Variants in EHMT1 observed in about 807,000 individuals in gnomAD.
EHMT1 encodes histone-lysine N-methyltransferase EHMT1.
Under a neutral mutation model 147.2 loss-of-function variants are expected in EHMT1, and 15 were observed. That is an observed-to-expected ratio of 0.10 (90% CI 0.07 to 0.16). EHMT1 has a LOEUF of 0.16. Among genes scored for constraint, EHMT1 ranks in the 10% least tolerant of loss-of-function variants. The pLI is 1.00. For missense variants in EHMT1, 1,587 were observed against 1,772.4 expected (o/e 0.90, Z 1.88); for synonymous variants, 795 against 709.6 (o/e 1.12, Z -1.91).
At chr9:137,632,375 C>A (rs1051963798) in intron 1 of EHMT1, among the ~76,000 whole-genome samples, 6 of 152,114 alleles carry the variant, frequency 3.9e-5, no homozygotes, top group African/African-American at 1.4e-4. Context: ...CCTTTCAGCC[C>A]CAGTTCCCCT....
chr9:137,743,099 A>T (rs557928416), intron 4 of EHMT1: 183 of 434,000 alleles, frequency 4.2e-4, no homozygotes, highest in African/African-American at 3.3e-3. Context: ...CCTGCCTCCA[A>T]GGTGGGGTGA....
At chr9:137,645,206 T>C (rs566699455) in intron 1 of EHMT1, among the ~76,000 whole-genome samples, 173 of 152,254 alleles carry the variant, frequency 1.1e-3, no homozygotes, top group Non-Finnish European at 2.0e-3. Flanking sequence ...ACCCACTGAA[T>C]GTTGCCTGGC....
chr9:137,762,341 G>C (rs1949892442), intron 9 of EHMT1, among the ~76,000 whole-genome samples: 3 of 151,424 alleles, frequency 2.0e-5, no homozygotes, highest in Admixed American at 2.0e-4. Context: ...TCTTTTGTTT[G>C]AAAGCAAAAG....
At chr9:137,745,076 A>G (rs561953906) in intron 6 of EHMT1, among the ~76,000 whole-genome samples, 26 of 152,356 alleles carry the variant, frequency 1.7e-4, no homozygotes, top group South Asian at 4.1e-4. Flanking sequence ...ATTTAGACGC[A>G]ATCTTGTATC....
At chr9:137,655,340 C>G (rs1938328372) in intron 1 of EHMT1, among the ~76,000 whole-genome samples, 1 of 152,104 alleles carries the variant, frequency 6.6e-6, no homozygotes, top group South Asian at 2.1e-4. Flanking sequence ...AGGCACTACA[C>G]TGGCAACCTC....
intron 16 of EHMT1, among the ~76,000 whole-genome samples, chr9:137,795,636 T>G (rs1215947806): frequency 2.6e-5 from 4 of 152,222 alleles, no homozygotes; most frequent in Admixed American, 6.5e-5. Context: ...TTTGTTTGTT[T>G]GTTTGTTTTT....
At chr9:137,740,317 C>G (rs952493795) in intron 4 of EHMT1, among the ~76,000 whole-genome samples, 3 of 152,150 alleles carry the variant, frequency 2.0e-5, no homozygotes, top group Admixed American at 6.5e-5. Flanking sequence ...TGAAGCCCCC[C>G]CCTCGCCCCC....
intron 1 of EHMT1, among the ~76,000 whole-genome samples, chr9:137,689,739 A>G (rs1045189750): frequency 6.6e-6 from 1 of 152,128 alleles, no homozygotes; most frequent in African/African-American, 2.4e-5. Context: ...AGATGTACAC[A>G]TTTTTTTGGG....
intron 18 of EHMT1, among the ~76,000 whole-genome samples, chr9:137,805,854 G>C (rs1953904558): frequency 6.6e-6 from 1 of 151,350 alleles, no homozygotes; most frequent in Admixed American, 6.6e-5. Context: ...GTAGAGACGG[G>C]GTTTCACCAT....
chr9:137,831,288 C>CA (rs1174842488), intron 25 of EHMT1, among the ~76,000 whole-genome samples: 1 of 152,156 alleles, frequency 6.6e-6, no homozygotes, highest in African/African-American at 2.4e-5. Flanking sequence ...TTTTCTTACA[C>CA]AAAAAGTGGT....
intron 10 of EHMT1, among the ~76,000 whole-genome samples, chr9:137,770,919 T>C (rs971601281): frequency 4.6e-5 from 7 of 152,250 alleles, no homozygotes; most frequent in African/African-American, 1.4e-4. Context: ...TTAGAGCTAA[T>C]CATTGCCTCC....
intron 1 of EHMT1, among the ~76,000 whole-genome samples, chr9:137,655,273 T>G (rs1938321233): frequency 6.6e-6 from 1 of 152,136 alleles, no homozygotes; most frequent in African/African-American, 2.4e-5. Context: ...CGCCTCAGCC[T>G]CCCAAAGTGC....
At chr9:137,743,642 A>G (rs1326682550) in intron 5 of EHMT1, 114 bp downstream of exon 5, 6 of 1,485,028 alleles carry the variant, frequency 4.0e-6, no homozygotes, top group African/African-American at 1.4e-5. Flanking sequence ...TGCCAGTGCC[A>G]TGAAGCTCCT....
chr9:137,725,635 G>A (rs1486820460), intron 3 of EHMT1, among the ~76,000 whole-genome samples: 1 of 152,128 alleles, frequency 6.6e-6, no homozygotes, highest in African/African-American at 2.4e-5. Context: ...GACATCAGTG[G>A]GGTGTCTGGC....
At chr9:137,636,055 G>A (rs572364857) in intron 1 of EHMT1, among the ~76,000 whole-genome samples, 2 of 151,490 alleles carry the variant, frequency 1.3e-5, no homozygotes, top group Non-Finnish European at 2.9e-5. Context: ...CTGAGTAGTT[G>A]GGATTACAGG....
chr9:137,784,226 T>C, intron 15 of EHMT1: 1 of 1,544,462 alleles, frequency 6.5e-7, no homozygotes, highest in Non-Finnish European at 8.8e-7. Context: ...CAGCACAGCC[T>C]TGCTGTGGAC....
At chr9:137,692,515 C>T (rs1943027802) in intron 1 of EHMT1, among the ~76,000 whole-genome samples, 1 of 152,090 alleles carries the variant, frequency 6.6e-6, no homozygotes, top group South Asian at 2.1e-4. Flanking sequence ...ATCCACCCAC[C>T]TCAGCCTCCC....
At position 137,816,077 on chromosome 9, in the gene EHMT1, C is replaced by T. The variant is rs1234351870; in HGVS notation, c.3374+15C>T. On this transcript the variant is annotated intron_variant, in intron 23 of 26. Coordinates refer to ENST00000460843, the MANE Select transcript of EHMT1 (RefSeq NM_024757.5). ...AATGGTCTCAGGTGAGAGGCAGCTT[C>T]CTGCCGGAGCCCCACATTCTGCTCG... 3 of 1,598,636 alleles carry T rather than the reference C, an allele frequency of 1.9e-6. No individual in the cohort carries two copies. The highest frequency in any genetic ancestry group is 2.7e-5 in the African/African-American group (2 of 74,420).
chr9:137,829,596 G>A (rs577615542), intron 25 of EHMT1, among the ~76,000 whole-genome samples: 79 of 152,302 alleles, frequency 5.2e-4, no homozygotes, highest in Non-Finnish European at 5.1e-4. Context: ...TTCCTGGTTC[G>A]CCCCTCTGGA....
Sources: allele counts gnomAD v4.1 joint callset (sites outside exome capture counted in the v4.1 genomes callset), GRCh38; gene constraint gnomAD v4.1.1; transcripts MANE v1.5; gene names NCBI Gene and HGNC (gene_info 2026-07-23, HGNC 2026-07-21).